The following RTP2 variants were observed in gnomAD, a reference collection of about 807,000 sequenced individuals.
RTP2 encodes receptor transporter protein 2.
Under a neutral mutation model 17.9 loss-of-function variants are expected in RTP2, and 12 were observed. The ratio of observed to expected loss-of-function variants is 0.67; its 90% confidence interval spans 0.43 to 1.09. The LOEUF (loss-of-function observed/expected upper bound fraction) is 1.09. RTP2 is among the 50% of genes least tolerant of loss of function. The probability of loss-of-function intolerance (pLI) is 0.00; values close to 1 mark genes in which losing one functional copy is unlikely to be tolerated. For missense variants in RTP2, 327 were observed against 295.7 expected, an observed-to-expected ratio of 1.11 and a Z score of -0.78; for synonymous variants, 126 against 117.7, an observed-to-expected ratio of 1.07 and a Z score of -0.46.
chr3:187,698,771 G>A (rs986911484), exon 2 of RTP2: 3 of 1,613,858 alleles, frequency 1.9e-6, no homozygotes, highest in African/African-American at 2.7e-5. Context: ...TGCGGTACTG[G>A]CCACCATCCT....
chr3:187,707,968 T>A, the RTP2 span, among the ~76,000 whole-genome samples: 1 of 152,220 alleles, frequency 6.6e-6, no homozygotes, highest in African/African-American at 2.4e-5. Context: ...CACTCCCAAT[T>A]GAAACCTACT....
chr3:187,707,896 C>A, the RTP2 span, among the ~76,000 whole-genome samples: 8 of 152,146 alleles, frequency 5.3e-5, no homozygotes, highest in African/African-American at 1.7e-4. Context: ...GTGAAAAGGA[C>A]CTTCACTCCA....
chr3:187,711,865 C>T, the RTP2 span, among the ~76,000 whole-genome samples: 1 of 152,160 alleles, frequency 6.6e-6, no homozygotes, highest in South Asian at 2.1e-4. Flanking sequence ...ATAGTGAGTG[C>T]TCAGTAAATG....
chr3:187,707,804 A>G, the RTP2 span, among the ~76,000 whole-genome samples: 1 of 152,226 alleles, frequency 6.6e-6, no homozygotes, highest in African/African-American at 2.4e-5. Context: ...GCTGATGTCT[A>G]AAAATGCTGT....
At chr3:187,707,341 G>A (rs182767375), upstream of RTP2, among the ~76,000 whole-genome samples, 118 of 152,328 alleles carry the variant, frequency 7.7e-4, no homozygotes, top group African/African-American at 2.5e-3. Flanking sequence ...GATGCAAGTC[G>A]GGAGATACCA....
chr3:187,712,910 C>T, the RTP2 span, among the ~76,000 whole-genome samples: 2 of 152,136 alleles, frequency 1.3e-5, no homozygotes, highest in African/African-American at 4.8e-5. Context: ...GGCTGAGGGA[C>T]GGTAAGTTTC....
At chr3:187,713,232 G>A in the RTP2 span, among the ~76,000 whole-genome samples, 5 of 152,176 alleles carry the variant, frequency 3.3e-5, no homozygotes, top group Non-Finnish European at 5.9e-5. Context: ...ATGTCCCAGT[G>A]GCTTCCTCTC....
chr3:187,703,423 G>A (rs1040124487), upstream of RTP2, among the ~76,000 whole-genome samples: 6 of 152,250 alleles, frequency 3.9e-5, no homozygotes, highest in Middle Eastern at 3.4e-3. Context: ...TTACTCTAGC[G>A]GCTTTGTGCT....
chr3:187,704,896 A>G (rs567955263), upstream of RTP2, among the ~76,000 whole-genome samples: 79 of 152,306 alleles, frequency 5.2e-4, no homozygotes, highest in African/African-American at 1.4e-3. Context: ...GAATCTTCCC[A>G]GGAAGATTTT....
chr3:187,715,631 C>T, the RTP2 span: 35 of 456,278 alleles, frequency 7.7e-5, no homozygotes, highest in Non-Finnish European at 1.1e-4. Context: ...GAGTTGGATT[C>T]GATCAGAATT....
intron 1 of RTP2, among the ~76,000 whole-genome samples, chr3:187,699,907 A>T (rs1165115624): frequency 1.3e-5 from 2 of 151,450 alleles, no homozygotes; most frequent in Admixed American, 1.3e-4. Context: ...AGCCCCACTC[A>T]CTCCGCCCCC....
chr3:187,713,411 A>C, the RTP2 span, among the ~76,000 whole-genome samples: 1 of 152,258 alleles, frequency 6.6e-6, no homozygotes, highest in East Asian at 1.9e-4. Flanking sequence ...AATTGGACAA[A>C]ATGCACAAAC....
the RTP2 span, among the ~76,000 whole-genome samples, chr3:187,711,455 TA>T: frequency 6.6e-6 from 1 of 152,228 alleles, no homozygotes; most frequent in African/African-American, 2.4e-5. Flanking sequence ...AGGAATTTTT[TA>T]AAAATATATA....
chr3:187,701,627 C>T (rs1717849604), intron 1 of RTP2, among the ~76,000 whole-genome samples: 1 of 152,198 alleles, frequency 6.6e-6, no homozygotes, highest in South Asian at 2.1e-4. Context: ...TAGATTAAAA[C>T]TTTCCCCAAT....
upstream of RTP2, among the ~76,000 whole-genome samples, chr3:187,703,170 G>T (rs1276276790): frequency 6.6e-6 from 1 of 152,226 alleles, no homozygotes; most frequent in African/African-American, 2.4e-5. Flanking sequence ...CTTGAGCATG[G>T]AAAAGACCAG....
chr3:187,698,581 G>C lies in RTP2; in HGVS notation c.595C>G (p.Leu199Val), dbSNP rs370182098. The C allele has an allele frequency of 3.7e-6, 6 of 1,614,148 alleles. No homozygotes were observed. The African/African-American group carries it at 8.0e-5, about 22-fold the overall frequency. ...GAGGCCCAGAAGAGGCACCAGCGAAGAGACAAGAAGTTGTAGCCGGATCCC... is the reference window on the plus strand; with the variant it reads ...GAGGCCCAGAAGAGGCACCAGCGAACAGACAAGAAGTTGTAGCCGGATCCC... Residue 199 changes from leucine to valine, a missense_variant, in exon 2 of 2, where the codon CTT becomes GTT. Physicochemically the swap from Leu to Val is conservative, Grantham distance 32. Coordinates refer to ENST00000358241, the Ensembl canonical transcript of RTP2.
chr3:187,707,873 C>A, the RTP2 span, among the ~76,000 whole-genome samples: 1 of 152,148 alleles, frequency 6.6e-6, no homozygotes, highest in Non-Finnish European at 1.5e-5. Flanking sequence ...ATCTAGATCC[C>A]TCTGTAGGAG....
chr3:187,703,506 A>G (rs1036117177), upstream of RTP2, among the ~76,000 whole-genome samples: 1 of 152,198 alleles, frequency 6.6e-6, no homozygotes, highest in Non-Finnish European at 1.5e-5. Context: ...TTTATTTTTA[A>G]AAATCTGGTT....
At chr3:187,700,632 G>A (rs139349148) in intron 1 of RTP2, among the ~76,000 whole-genome samples, 2 of 152,294 alleles carry the variant, frequency 1.3e-5, no homozygotes, top group African/African-American at 4.8e-5. Context: ...AACCAACCCA[G>A]AATTGCTTCA....
Sources: allele counts gnomAD v4.1 joint callset (sites outside exome capture counted in the v4.1 genomes callset), GRCh38; gene constraint gnomAD v4.1.1; transcripts MANE v1.5; gene names NCBI Gene and HGNC (gene_info 2026-07-23, HGNC 2026-07-21).